The following SMG6 variants were observed in gnomAD, a reference collection of about 807,000 sequenced individuals.
SMG6 encodes the protein telomerase-binding protein EST1A.
A neutral mutation model predicts 142.2 loss-of-function variants in SMG6; 66 were observed. The ratio of observed to expected loss-of-function variants is 0.46; its 90% CI spans 0.38 to 0.57. SMG6 has a LOEUF of 0.57. Among genes scored for constraint, SMG6 ranks in the 20% least tolerant of loss-of-function variants. The probability of loss-of-function intolerance (pLI) is 0.00; values close to 1 mark genes in which losing one functional copy is unlikely to be tolerated. For missense variants in SMG6, 1,793 were observed against 1,832.0 expected, an observed-to-expected ratio of 0.98 and a Z score of 0.39; for synonymous variants, 779 against 702.4, an observed-to-expected ratio of 1.11 and a Z score of -1.72.
chr17:2,100,913 A>C (rs2068989776), intron 13 of SMG6, among the ~76,000 whole-genome samples: 1 of 152,082 alleles, frequency 6.6e-6, no homozygotes, highest in African/African-American at 2.4e-5. Context: ...CAGCCTCCCA[A>C]AGTGCTGGGA....
Position 2,192,096 on chromosome 17 carries a change from T to C in SMG6, c.2870-3581A>G, listed in dbSNP as rs150639321. ...AAAGCTGTGCCTGACAGCTCCAGGA[T>C]GGCAAAGCATCCTCCTGCAGGAAAT... On this transcript the variant is annotated intron_variant, in intron 10 of 18. Transcript: ENST00000263073. Among the ~76,000 whole-genome samples, 10 of 152,272 alleles carry C rather than the reference T, an allele frequency of 6.6e-5. No homozygotes were observed. The East Asian group carries it at 1.3e-3, about 21-fold the overall frequency.
At chr17:2,227,160 GT>G (rs1160095733) in intron 10 of SMG6, among the ~76,000 whole-genome samples, 17 of 152,194 alleles carry the variant, frequency 1.1e-4, no homozygotes, top group African/African-American at 2.7e-4. Flanking sequence ...ACAGAAAACA[GT>G]TTAGCAGTTT....
chr17:2,244,860 A>C (rs73309933), intron 8 of SMG6, 141 bp from the exon 9 acceptor site: 10,635 of 677,158 alleles, frequency 0.016, 439 homozygotes, highest in African/African-American at 0.1. Flanking sequence ...GACATGCCCA[A>C]ACTCTCACAG....
At chr17:2,089,086 G>A (rs1324717906) in intron 13 of SMG6, among the ~76,000 whole-genome samples, 1 of 152,196 alleles carries the variant, frequency 6.6e-6, no homozygotes, top group East Asian at 1.9e-4. Context: ...TAGGAGAGGG[G>A]TTAAAGCTGG....
chr17:2,106,323 T>C (rs946316716), intron 13 of SMG6, among the ~76,000 whole-genome samples: 11 of 152,188 alleles, frequency 7.2e-5, no homozygotes, highest in African/African-American at 2.7e-4. Flanking sequence ...CATTGTTCCA[T>C]GCCCTGTTAT....
intron 13 of SMG6, among the ~76,000 whole-genome samples, chr17:2,162,203 A>C (rs1205363115): frequency 5.9e-5 from 9 of 152,300 alleles, no homozygotes; most frequent in African/African-American, 2.2e-4. Flanking sequence ...ATAAAGTTTG[A>C]TTCTATTTCT....
intron 8 of SMG6, among the ~76,000 whole-genome samples, chr17:2,253,205 G>A (rs187175899): frequency 0.01 from 1,532 of 151,832 alleles, 30 homozygotes; most frequent in African/African-American, 0.034. Flanking sequence ...GCAGTGGCGC[G>A]ATCTCGGCTC....
intron 7 of SMG6, among the ~76,000 whole-genome samples, chr17:2,283,158 G>GA (rs1170934800): frequency 6.6e-6 from 1 of 152,140 alleles, no homozygotes; most frequent in African/African-American, 2.4e-5. Flanking sequence ...CAACAAGAGC[G>GA]AAACTCTGTC....
chr17:2,219,088 T>A (rs2073100402), intron 10 of SMG6, among the ~76,000 whole-genome samples: 1 of 152,184 alleles, frequency 6.6e-6, no homozygotes, highest in African/African-American at 2.4e-5. Context: ...GTAAAAAATT[T>A]AAAATGCTTA....
chr17:2,259,117 G>A (rs1053352421), intron 8 of SMG6, among the ~76,000 whole-genome samples: 5 of 151,618 alleles, frequency 3.3e-5, no homozygotes, highest in African/African-American at 1.2e-4. Flanking sequence ...CAGCAGAACC[G>A]AGACAGACAC....
intron 16 of SMG6, 128 bp from the exon 17 acceptor site, chr17:2,065,807 C>A: frequency 1.3e-6 from 1 of 774,284 alleles, no homozygotes; most frequent in Non-Finnish European, 2.1e-6. Flanking sequence ...AGGAGTCTTC[C>A]AATGAAACTA....
chr17:2,260,448 C>A (rs951315880), intron 8 of SMG6, among the ~76,000 whole-genome samples: 1 of 152,230 alleles, frequency 6.6e-6, no homozygotes, highest in African/African-American at 2.4e-5. Context: ...TCAATCAAAT[C>A]TTTTCTGTGC....
At chr17:2,255,769 A>G (rs1382406632) in intron 8 of SMG6, 1 of 206,136 alleles carries the variant, frequency 4.9e-6, no homozygotes, top group Non-Finnish European at 9.6e-6. Flanking sequence ...AAGAATAGAG[A>G]AATTAGATTG....
Position 2,150,417 on chromosome 17 carries a change from T to C in SMG6, c.3357+22241A>G, listed in dbSNP as rs183468906. Among the ~76,000 whole-genome samples the C allele has an allele frequency of 4.6e-5, 7 of 152,328 alleles. No individual in the cohort carries two copies. The East Asian group carries it at 9.6e-4, about 21-fold the overall frequency. The stretch of plus-strand genomic sequence containing the variant: ...ATACCAATGTGTTGAACAGATGCTG[T>C]TGGCACTGTCTACTGTGTTCATCAA... On this transcript the variant is annotated intron_variant, in intron 13 of 18. Transcript: ENST00000263073.
intron 4 of SMG6, 49 bp from the exon 5 acceptor site, chr17:2,293,026 C>T (rs1464861725): frequency 7.6e-7 from 1 of 1,314,344 alleles, no homozygotes; most frequent in Non-Finnish European, 1.1e-6. Context: ...ACACTAACTT[C>T]AACCCTCAAA....
chr17:2,289,300 A>T (rs111563079), intron 6 of SMG6, among the ~76,000 whole-genome samples: 1 of 152,086 alleles, frequency 6.6e-6, no homozygotes, highest in Non-Finnish European at 1.5e-5. Context: ...TCATGCCTGT[A>T]ATCTCAGCAG....
At chr17:2,110,112 A>T (rs1261108011) in intron 13 of SMG6, among the ~76,000 whole-genome samples, 1 of 150,562 alleles carries the variant, frequency 6.6e-6, no homozygotes, top group African/African-American at 2.4e-5. Context: ...AAAAGACAAC[A>T]CAGAACTAAA....
intron 8 of SMG6, among the ~76,000 whole-genome samples, chr17:2,258,690 C>A (rs528118133): frequency 1.3e-5 from 2 of 151,300 alleles, no homozygotes; most frequent in South Asian, 4.2e-4. Context: ...CCCAGCTACT[C>A]TATGGGCTGA....
chr17:2,061,490 C>CTG lies in SMG6; in HGVS notation c.*1_*2insCA. On this transcript the variant is annotated 3_prime_UTR_variant, in exon 19 of 19. Transcript: ENST00000263073. Reference sequence around the variant, plus strand: ...CGGGGGGGGGGCCCCAGTGTGGCTCCCTCAGCCCACCTGGGCCCACGTGAG... The same window carrying CTG: ...CGGGGGGGGGGCCCCAGTGTGGCTCCTGCTCAGCCCACCTGGGCCCACGTGAG... The CTG allele has an allele frequency of 6.4e-7, 1 of 1,570,744 alleles. No individual in the cohort carries two copies. Among genetic ancestry groups the CTG allele is most frequent in the Non-Finnish European group, 8.6e-7 (1 of 1,159,646 alleles).
Sources: allele counts gnomAD v4.1 joint callset (sites outside exome capture counted in the v4.1 genomes callset), GRCh38; gene constraint gnomAD v4.1.1; transcripts MANE v1.5; gene names NCBI Gene and HGNC (gene_info 2026-07-23, HGNC 2026-07-21).